Variants in AIG1 observed in about 807,000 individuals in gnomAD.
AIG1 encodes androgen induced 1, also known as androgen-induced gene 1 protein.
AIG1 carries 23 observed loss-of-function variants against 31.4 expected under a neutral mutation model. The ratio of observed to expected loss-of-function variants is 0.73; its 90% CI spans 0.53 to 1.04. AIG1 has a LOEUF of 1.04. AIG1 is among the 50% of genes least tolerant of loss of function. The pLI, the probability that AIG1 is intolerant of heterozygous loss-of-function variation, is 0.00. For missense variants in AIG1, 274 were observed against 295.0 expected (o/e 0.93, Z 0.52); for synonymous variants, 100 against 110.5 (o/e 0.90, Z 0.60).
At chr6:143,259,032 T>C (rs966755868) in intron 3 of AIG1, among the ~76,000 whole-genome samples, 24 of 152,194 alleles carry the variant, frequency 1.6e-4, no homozygotes, top group African/African-American at 5.3e-4. Context: ...TCTTAGCCCA[T>C]ATATCCAATC....
At chr6:143,118,140 C>T (rs188474784) in intron 1 of AIG1, among the ~76,000 whole-genome samples, 3 of 152,236 alleles carry the variant, frequency 2.0e-5, no homozygotes, top group East Asian at 3.9e-4. Context: ...ATCACTAGGC[C>T]GGGTGCAGTG....
At chr6:143,245,316 T>G (rs1794544324) in intron 3 of AIG1, among the ~76,000 whole-genome samples, 1 of 152,230 alleles carries the variant, frequency 6.6e-6, no homozygotes, top group Non-Finnish European at 1.5e-5. Flanking sequence ...CTGAATTTCT[T>G]TTTTAACAAA....
intron 1 of AIG1, among the ~76,000 whole-genome samples, chr6:143,100,018 T>C (rs1366539534): frequency 6.6e-6 from 1 of 152,256 alleles, no homozygotes; most frequent in African/African-American, 2.4e-5. Context: ...AGTACGGTTT[T>C]GTTTGCTTGC....
chr6:143,323,761 C>T (rs531058283), intron 4 of AIG1, among the ~76,000 whole-genome samples: 1 of 152,188 alleles, frequency 6.6e-6, no homozygotes, highest in Admixed American at 6.5e-5. Flanking sequence ...TGCTGCTCAC[C>T]CCACCTGACA....
chr6:143,221,117 A>G (rs1792480273), intron 3 of AIG1, among the ~76,000 whole-genome samples: 1 of 152,142 alleles, frequency 6.6e-6, no homozygotes, highest in South Asian at 2.1e-4. Flanking sequence ...TTATTATTGT[A>G]GTTTCATCTT....
intron 4 of AIG1, among the ~76,000 whole-genome samples, chr6:143,332,037 A>C (rs1308702689): frequency 6.6e-6 from 1 of 151,574 alleles, no homozygotes; most frequent in Non-Finnish European, 1.5e-5. Context: ...ACGCCCAGCT[A>C]ATTTTTGTAT....
chr6:143,321,008 T>C (rs1415996097), intron 4 of AIG1, among the ~76,000 whole-genome samples: 2 of 151,852 alleles, frequency 1.3e-5, no homozygotes, highest in Non-Finnish European at 2.9e-5. Flanking sequence ...TTAGTAGAGA[T>C]GGGGTTTCCC....
upstream of AIG1, chr6:143,060,748 C>T (rs1462785067): frequency 2.0e-5 from 4 of 203,838 alleles, no homozygotes; most frequent in East Asian, 1.9e-4. Context: ...GTCACCCGGG[C>T]GCTCGCGGCC....
intron 1 of AIG1, chr6:143,061,561 G>C (rs1193949015): frequency 3.2e-6 from 1 of 310,622 alleles, no homozygotes; most frequent in Non-Finnish European, 6.5e-6. Flanking sequence ...TCTCATAAGG[G>C]AGAGAAAGCA....
intron 1 of AIG1, among the ~76,000 whole-genome samples, chr6:143,063,066 G>A (rs1776393793): frequency 6.6e-6 from 1 of 152,164 alleles, no homozygotes; most frequent in African/African-American, 2.4e-5. Flanking sequence ...AGAGATGCCT[G>A]CTTTTCATAA....
At position 143,127,454 on chromosome 6, in the gene AIG1, A is replaced by G. The variant is rs776537504; in HGVS notation, c.142-9381A>G. ...CATTAATTTTATAAAAGTACACCAT[A>G]ATCAAAATGTGGAACACCTTGACTA... is the stretch of plus-strand genomic sequence containing the variant. On this transcript the variant is annotated intron_variant, in intron 1 of 5. Transcript: ENST00000357847. Among the ~76,000 whole-genome samples, 4 of 152,358 alleles carry G rather than the reference A, an allele frequency of 2.6e-5. No individual in the cohort carries two copies. In the South Asian group the frequency reaches 6.2e-4, roughly 24 times the overall value.
At position 143,292,512 on chromosome 6, in the gene AIG1, G is replaced by A. The variant is rs1210356271; in HGVS notation, c.515+8287G>A. Among the ~76,000 whole-genome samples the A allele has an allele frequency of 6.6e-6, 1 of 152,180 alleles. No homozygotes were observed. The highest frequency in any genetic ancestry group is 2.4e-5 in the African/African-American group (1 of 41,442). ...GGGCCCCCTCTAGAAGCCGAAAAAG[G>A]CAAGGAAAGGGATTCTCCCCTAGGG... On this transcript the variant is annotated intron_variant, in intron 4 of 5. Coordinates refer to ENST00000357847, the MANE Select transcript of AIG1 (RefSeq NM_016108.4). The surrounding 1 kb of genome is among the most constrained non-coding windows in gnomAD (Gnocchi z 4.9).
chr6:143,111,311 T>C (rs934009373), intron 1 of AIG1, among the ~76,000 whole-genome samples: 21 of 152,338 alleles, frequency 1.4e-4, no homozygotes, highest in Admixed American at 1.1e-3. Flanking sequence ...GACCTCATAA[T>C]TGCCAGATTC....
chr6:143,170,252 T>C (rs1454036959), intron 3 of AIG1, among the ~76,000 whole-genome samples: 1 of 152,146 alleles, frequency 6.6e-6, no homozygotes, highest in Non-Finnish European at 1.5e-5. Context: ...TTATTACTTA[T>C]TCAATCTCAT....
Position 143,340,866 on chromosome 6 carries a change from A to G in AIG1, c.*1190A>G, listed in dbSNP as rs763838145. On this transcript the variant is annotated 3_prime_UTR_variant, in exon 6 of 6. Transcript: ENST00000357847. ...TTATAAAATGTTACTTAACACAAATATAAGTATTGATTGCCCAATGTTGAG... is the reference window on the plus strand; with the variant it reads ...TTATAAAATGTTACTTAACACAAATGTAAGTATTGATTGCCCAATGTTGAG... 1.7e-4 allele frequency among the ~76,000 whole-genome samples: 26 copies of G among 152,190 alleles called. No individual in the cohort carries two copies. Among genetic ancestry groups the G allele is most frequent in the Non-Finnish European group, 3.2e-4 (22 of 68,042 alleles).
chr6:143,333,919 A>T lies in AIG1; in HGVS notation c.679+474A>T, dbSNP rs1777282791. On this transcript the variant is annotated intron_variant, in intron 5 of 5. Transcript: ENST00000357847. The surrounding 1 kb of genome is among the most constrained non-coding windows in gnomAD (Gnocchi z 4.6). ...CTACCATTCTGCTAGAGCTCTATCT[A>T]AGCAGTGTGTGATGCTCCGGCCACC... is the stretch of plus-strand genomic sequence containing the variant. Among the ~76,000 whole-genome samples, 1 of 152,180 alleles carries T rather than the reference A, an allele frequency of 6.6e-6. No homozygotes were observed. The highest frequency in any genetic ancestry group is 1.5e-5 in the Non-Finnish European group (1 of 68,028).
chr6:143,237,420 A>G (rs138950512), intron 3 of AIG1, among the ~76,000 whole-genome samples: 96 of 152,362 alleles, frequency 6.3e-4, no homozygotes, highest in African/African-American at 2.3e-3. Context: ...TTTATAAGGA[A>G]CATACGGTAT....
rs116720536 is a variant in AIG1, at chr6:143,272,007, G to A, written c.400-12103G>A. On this transcript the variant is annotated intron_variant, in intron 3 of 5. Transcript: ENST00000357847. Reference sequence around the variant, plus strand: ...TTAGCATACAATGGTCAACTGGTTTGTACATTCTCCCTAAAGTACTTCCAA... The same window carrying A: ...TTAGCATACAATGGTCAACTGGTTTATACATTCTCCCTAAAGTACTTCCAA... Among the ~76,000 whole-genome samples the A allele has an allele frequency of 3.0e-3, 454 of 152,254 alleles. 4 individuals are homozygous for A. Among genetic ancestry groups the A allele is most frequent in the African/African-American group, 0.011 (438 of 41,552 alleles).
chr6:143,203,333 A>C (rs1210146997), intron 3 of AIG1, among the ~76,000 whole-genome samples: 4 of 152,030 alleles, frequency 2.6e-5, no homozygotes, highest in South Asian at 2.1e-4. Flanking sequence ...ACTGTTCTAT[A>C]CTCTACTATC....
Sources: gnomAD v4.1 joint callset for allele counts (sites outside exome capture counted in the v4.1 genomes callset) on GRCh38, gnomAD v4.1.1 for gene constraint, Gnocchi (gnomAD v3.1) non-coding constraint, MANE v1.5 for transcripts, NCBI Gene and HGNC (gene_info 2026-07-23, HGNC 2026-07-21) for gene names.